Variants in GRIN2B observed in about 807,000 individuals in gnomAD.
The protein encoded by GRIN2B is glutamate receptor ionotropic, NMDA 2B.
Under a neutral mutation model 114.5 loss-of-function variants are expected in GRIN2B, and 5 were observed. The ratio of observed to expected loss-of-function variants is 0.04; its 90% CI spans 0.02 to 0.09. GRIN2B has a LOEUF of 0.09. Ranked by LOEUF, GRIN2B falls within the 10% of genes least tolerant of loss-of-function variation. GRIN2B has a pLI of 1.00. For synonymous variants in GRIN2B, 787 were observed against 745.1 expected (o/e 1.06, Z -0.92); for missense variants, 1,108 against 1,943.5 (o/e 0.57, Z 8.08).
intron 10 of GRIN2B, among the ~76,000 whole-genome samples, chr12:13,581,440 G>C (rs959486654): frequency 6.0e-4 from 92 of 152,270 alleles, no homozygotes; most frequent in Non-Finnish European, 1.0e-3. Context: ...AGTGGCTGCA[G>C]GAAGCACCCT....
At chr12:13,860,080 C>G (rs1865728823) in intron 3 of GRIN2B, among the ~76,000 whole-genome samples, 1 of 152,098 alleles carries the variant, frequency 6.6e-6, no homozygotes. Context: ...ATATGCAAAT[C>G]CATATGAGCC....
intron 5 of GRIN2B, among the ~76,000 whole-genome samples, chr12:13,668,010 T>C (rs1949993384): frequency 6.6e-6 from 1 of 152,144 alleles, no homozygotes; most frequent in Non-Finnish European, 1.5e-5. Flanking sequence ...CATTGTAAAA[T>C]AAAAATTAGA....
intron 4 of GRIN2B, among the ~76,000 whole-genome samples, chr12:13,701,326 A>G (rs1399855947): frequency 6.6e-6 from 1 of 152,096 alleles, no homozygotes; most frequent in African/African-American, 2.4e-5. Flanking sequence ...ACTCTAAGAA[A>G]CTTATGAAAT....
intron 2 of GRIN2B, among the ~76,000 whole-genome samples, chr12:13,955,243 A>C (rs888816825): frequency 6.6e-6 from 1 of 152,238 alleles, no homozygotes; most frequent in Non-Finnish European, 1.5e-5. Context: ...ATATTTATTT[A>C]GACCTAGCAT....
intron 3 of GRIN2B, among the ~76,000 whole-genome samples, chr12:13,759,122 C>T (rs527682340): frequency 6.7e-6 from 1 of 149,916 alleles, no homozygotes; most frequent in Non-Finnish European, 1.5e-5. Flanking sequence ...ATTCTCATGC[C>T]TCAGCCTCCC....
At chr12:13,619,963 C>T (rs1364906277) in intron 5 of GRIN2B, among the ~76,000 whole-genome samples, 2 of 152,126 alleles carry the variant, frequency 1.3e-5, no homozygotes, top group Non-Finnish European at 1.5e-5. Context: ...CACTATCCAT[C>T]GACAATAATA....
intron 3 of GRIN2B, among the ~76,000 whole-genome samples, chr12:13,800,567 C>T (rs1372479869): frequency 6.6e-6 from 1 of 152,188 alleles, no homozygotes; most frequent in African/African-American, 2.4e-5. Context: ...ATTGTCTAAA[C>T]TGTCACCCCT....
intron 13 of GRIN2B, 65 bp downstream of exon 13, chr12:13,566,960 G>A: frequency 9.0e-7 from 1 of 1,107,712 alleles, no homozygotes; most frequent in Non-Finnish European, 1.4e-6. Flanking sequence ...GGTTCTCTCT[G>A]CTTTGCACAG....
intron 5 of GRIN2B, among the ~76,000 whole-genome samples, chr12:13,622,457 C>A (rs772889903): frequency 3.9e-5 from 6 of 152,110 alleles, no homozygotes; most frequent in Admixed American, 1.3e-4. Flanking sequence ...TTCCCCACCC[C>A]CAAAGCTATA....
At chr12:13,909,433 T>C (rs1002949613) in intron 2 of GRIN2B, among the ~76,000 whole-genome samples, 1 of 152,234 alleles carries the variant, frequency 6.6e-6, no homozygotes, top group African/African-American at 2.4e-5. Flanking sequence ...CCGTGTGTCC[T>C]AGTGACGTAG....
In GRIN2B at chr12:13,541,796, A is replaced by G. The variant is rs933529745; in HGVS notation, c.*20987T>C. 6.6e-6 allele frequency: 1 copy of G among 152,252 alleles called. No individual in the cohort carries two copies. The highest frequency in any genetic ancestry group is 1.5e-5 in the Non-Finnish European group (1 of 68,038). The allele number at this position is 152,252 out of a possible 1,614,324, so 9.4% of individuals were successfully genotyped here. On this transcript the variant is annotated 3_prime_UTR_variant, in exon 14 of 14. Transcript: ENST00000609686. ...TGAGGGTTTGGAAAAATAGTTCACT[A>G]GAAATGGCCTAACAGTTTCTCTTCT...
At chr12:13,827,020 G>A (rs1262908000) in intron 3 of GRIN2B, among the ~76,000 whole-genome samples, 4 of 143,054 alleles carry the variant, frequency 2.8e-5, no homozygotes, top group African/African-American at 9.9e-5. Flanking sequence ...TTTGTTGAGA[G>A]GTTTTTTTTT....
chr12:13,847,145 T>C (rs1279098379), intron 3 of GRIN2B, among the ~76,000 whole-genome samples: 1 of 152,180 alleles, frequency 6.6e-6, no homozygotes, highest in Non-Finnish European at 1.5e-5. Flanking sequence ...TCAAACTCTT[T>C]TTCAATTTTT....
At chr12:13,905,777 A>G (rs1866526088) in intron 2 of GRIN2B, among the ~76,000 whole-genome samples, 1 of 152,182 alleles carries the variant, frequency 6.6e-6, no homozygotes, top group African/African-American at 2.4e-5. Context: ...AAGTATTCTG[A>G]CGAGCTGAGA....
In GRIN2B at chr12:13,544,684, G is replaced by C. The variant is rs1948322057; in HGVS notation, c.*18099C>G. The C allele has an allele frequency of 6.6e-6, 1 of 152,150 alleles. No homozygotes were observed. The highest frequency in any genetic ancestry group is 6.5e-5 in the Admixed American group (1 of 15,284). The allele number at this position is 152,150 out of a possible 1,614,324, so 9.4% of individuals were successfully genotyped here. A position where few individuals can be genotyped will look rare whatever the true frequency, so the allele number is the denominator to read the frequency against. Reference sequence around the variant, plus strand: ...CCAAACATTCTAAGGTTATTCTTAAGATTTTTCTTTCTCTTATTCAATGTC... The same window carrying C: ...CCAAACATTCTAAGGTTATTCTTAACATTTTTCTTTCTCTTATTCAATGTC... On this transcript the variant is annotated 3_prime_UTR_variant, in exon 14 of 14. Coordinates refer to ENST00000609686, the MANE Select transcript of GRIN2B (RefSeq NM_000834.5).
At chr12:13,693,316 A>G (rs1320497601) in intron 4 of GRIN2B, among the ~76,000 whole-genome samples, 6 of 152,198 alleles carry the variant, frequency 3.9e-5, no homozygotes. Context: ...TTCTTGGGAC[A>G]TTTAAAATTA....
chr12:13,715,473 C>T (rs1950446855), intron 4 of GRIN2B, among the ~76,000 whole-genome samples: 1 of 151,850 alleles, frequency 6.6e-6, no homozygotes, highest in South Asian at 2.1e-4. Context: ...TGTCTCTGTT[C>T]CTAACTCTTA....
At chr12:13,949,248 C>A (rs1214774494) in intron 2 of GRIN2B, among the ~76,000 whole-genome samples, 2 of 152,142 alleles carry the variant, frequency 1.3e-5, no homozygotes, top group Non-Finnish European at 2.9e-5. Context: ...AAGCAAACCT[C>A]AGCTAGGTAA....
At chr12:13,592,868 C>A (rs780014230) in intron 10 of GRIN2B, among the ~76,000 whole-genome samples, 1 of 152,140 alleles carries the variant, frequency 6.6e-6, no homozygotes, top group African/African-American at 2.4e-5. Context: ...ATTAAACAAG[C>A]ATTCAACTTC....
Sources: allele counts gnomAD v4.1 joint callset (sites outside exome capture counted in the v4.1 genomes callset), GRCh38; gene constraint gnomAD v4.1.1; transcripts MANE v1.5; gene names NCBI Gene and HGNC (gene_info 2026-07-23, HGNC 2026-07-21).